PARD3: variants seen among roughly 807,000 people sequenced by gnomAD.
The protein encoded by PARD3 is partitioning defective 3 homolog.
Under a neutral mutation model 155.4 loss-of-function variants are expected in PARD3, and 75 were observed. The observed-to-expected ratio is 0.48, with a 90% CI of 0.40 to 0.58. The LOEUF (loss-of-function observed/expected upper bound fraction) is 0.58. Among genes scored for constraint, PARD3 ranks in the 20% least tolerant of loss-of-function variants. The pLI is 0.00. For synonymous variants in PARD3, 576 were observed against 610.5 expected (o/e 0.94, Z 0.83); for missense variants, 1,642 against 1,721.7 (o/e 0.95, Z 0.82).
At chr10:34,756,460 C>CT (rs372775963) in intron 1 of PARD3, among the ~76,000 whole-genome samples, 26,714 of 109,354 alleles carry the variant, frequency 0.24, 3,561 homozygotes, top group East Asian at 0.51. Flanking sequence ...GCCAATGCAC[C>CT]TTTTTTTTTT....
At chr10:34,638,825 G>T (rs542178669) in intron 2 of PARD3, among the ~76,000 whole-genome samples, 1 of 152,196 alleles carries the variant, frequency 6.6e-6, no homozygotes, top group African/African-American at 2.4e-5. Context: ...GTGTAAATCA[G>T]TTCTAAATTG....
intron 1 of PARD3, among the ~76,000 whole-genome samples, chr10:34,804,600 G>A (rs1300865640): frequency 6.6e-6 from 1 of 152,160 alleles, no homozygotes; most frequent in East Asian, 1.9e-4. Flanking sequence ...TTGCACACTG[G>A]GTTTCAGCAT....
intron 2 of PARD3, among the ~76,000 whole-genome samples, chr10:34,527,697 T>C (rs2133765027): frequency 6.6e-6 from 1 of 152,256 alleles, no homozygotes; most frequent in Middle Eastern, 3.4e-3. Flanking sequence ...CACAAACCAA[T>C]ATTAGCAAAA....
At position 34,217,963 on chromosome 10, in the gene PARD3, G is replaced by A. The variant is rs184378799; in HGVS notation, c.3419+51694C>T. Among the ~76,000 whole-genome samples, 15 of 152,098 alleles carry A rather than the reference G, an allele frequency of 9.9e-5. No homozygotes were observed. The East Asian group carries it at 2.7e-3, about 28-fold the overall frequency. ...ACAGTGGGAACTGGACACATTGGGG[G>A]GCAGGAGCTGTCCTCTGAAGACATG... On this transcript the variant is annotated intron_variant, in intron 22 of 24. Coordinates refer to ENST00000374788, the MANE Select transcript of PARD3 (RefSeq NM_001184785.2).
chr10:34,355,934 A>AAAAAC (rs1838776672), intron 14 of PARD3, among the ~76,000 whole-genome samples: 1 of 129,120 alleles, frequency 7.7e-6, no homozygotes, highest in Non-Finnish European at 1.5e-5. Context: ...CAAAAAAAAA[A>AAAAAC]AAAAAAAAAA....
chr10:34,435,341 T>C (rs1334555897), intron 5 of PARD3, among the ~76,000 whole-genome samples: 1 of 152,058 alleles, frequency 6.6e-6, no homozygotes, highest in Non-Finnish European at 1.5e-5. Flanking sequence ...CTTCCTAGAG[T>C]CAACGAATCA....
intron 9 of PARD3, among the ~76,000 whole-genome samples, chr10:34,382,245 A>C (rs184480847): frequency 6.6e-6 from 1 of 152,232 alleles, no homozygotes; most frequent in African/African-American, 2.4e-5. Context: ...CACAATCAAA[A>C]ATTTTACTAC....
At chr10:34,346,916 C>T (rs1837490933) in intron 15 of PARD3, among the ~76,000 whole-genome samples, 1 of 152,186 alleles carries the variant, frequency 6.6e-6, no homozygotes, top group African/African-American at 2.4e-5. Context: ...TGTTTTTGAT[C>T]ATGCCCAGTA....
At chr10:34,545,881 C>T (rs182668328) in intron 2 of PARD3, among the ~76,000 whole-genome samples, 2 of 152,058 alleles carry the variant, frequency 1.3e-5, no homozygotes, top group Admixed American at 6.6e-5. Flanking sequence ...TAATTAAAAC[C>T]TATGTAGTTA....
intron 19 of PARD3, among the ~76,000 whole-genome samples, chr10:34,319,974 T>C (rs1376944745): frequency 2.0e-5 from 3 of 152,204 alleles, no homozygotes; most frequent in Non-Finnish European, 4.4e-5. Context: ...GGAAACCTCC[T>C]TTCACCTATA....
At chr10:34,279,141 C>CTTTTTTT (rs143467605) in intron 21 of PARD3, among the ~76,000 whole-genome samples, 18 of 102,036 alleles carry the variant, frequency 1.8e-4, no homozygotes, top group African/African-American at 5.8e-4. Context: ...ATATTTTTTC[C>CTTTTTTT]TTTTTTTTTT....
intron 20 of PARD3, among the ~76,000 whole-genome samples, chr10:34,298,492 T>C (rs1291109721): frequency 2.6e-5 from 4 of 152,274 alleles, no homozygotes; most frequent in Middle Eastern, 6.8e-3. Context: ...AATCAATCAA[T>C]GGCAAGAAGA....
chr10:34,449,296 T>G (rs375622210), intron 5 of PARD3, among the ~76,000 whole-genome samples: 1 of 152,066 alleles, frequency 6.6e-6, no homozygotes, highest in South Asian at 2.1e-4. Context: ...TTTAAATATA[T>G]ACTATTTTTA....
chr10:34,498,262 C>A (rs1402667064), intron 3 of PARD3, among the ~76,000 whole-genome samples: 2 of 152,088 alleles, frequency 1.3e-5, no homozygotes, highest in Admixed American at 6.5e-5. Context: ...ATTAATAATT[C>A]TTTTAAAAGT....
chr10:34,632,191 G>A lies in PARD3; in HGVS notation c.222+64127C>T, dbSNP rs186945346. Among the ~76,000 whole-genome samples the A allele has an allele frequency of 6.6e-5, 10 of 152,282 alleles. No individual in the cohort carries two copies. In the South Asian group the frequency reaches 1.2e-3, roughly 19 times the overall value. Reference sequence around the variant, plus strand: ...CCAGAATTGCTTGGACCCAAGAGGCGGAGATTGCAGTGAGCCGAGATTGCG... The same window carrying A: ...CCAGAATTGCTTGGACCCAAGAGGCAGAGATTGCAGTGAGCCGAGATTGCG... On this transcript the variant is annotated intron_variant, in intron 2 of 24. Transcript: ENST00000374788.
At chr10:34,671,770 C>G (rs2093613887) in intron 2 of PARD3, among the ~76,000 whole-genome samples, 1 of 152,152 alleles carries the variant, frequency 6.6e-6, no homozygotes, top group Admixed American at 6.5e-5. Flanking sequence ...ACTGTACAAT[C>G]TGTACTTCTG....
intron 2 of PARD3, among the ~76,000 whole-genome samples, chr10:34,597,974 C>T (rs2089446801): frequency 6.6e-6 from 1 of 152,286 alleles, no homozygotes. Context: ...AGGCTCTAAA[C>T]CCACCTCTAT....
chr10:34,328,910 C>T (rs138454335), intron 19 of PARD3, among the ~76,000 whole-genome samples: 3 of 152,262 alleles, frequency 2.0e-5, no homozygotes, highest in Non-Finnish European at 2.9e-5. Context: ...ATAATAAAAA[C>T]AGGACTTTTG....
intron 2 of PARD3, among the ~76,000 whole-genome samples, chr10:34,669,273 T>A (rs1321752696): frequency 6.6e-6 from 1 of 152,182 alleles, no homozygotes; most frequent in African/African-American, 2.4e-5. Flanking sequence ...TAGAATACTA[T>A]TCAGCCATAA....
Sources: gnomAD v4.1 joint callset for allele counts (sites outside exome capture counted in the v4.1 genomes callset) on GRCh38, gnomAD v4.1.1 for gene constraint, MANE v1.5 for transcripts, NCBI Gene and HGNC (gene_info 2026-07-23, HGNC 2026-07-21) for gene names.